MAP2K1: variants seen among roughly 807,000 people sequenced by gnomAD.
MAP2K1 encodes the protein mitogen-activated protein kinase kinase 1.
In MAP2K1, 16 loss-of-function variants were observed where a neutral mutation model predicts 46.3. The observed-to-expected ratio is 0.35, with a 90% CI of 0.23 to 0.52. MAP2K1 has a LOEUF of 0.52. MAP2K1 is among the 20% of genes least tolerant of loss of function. The pLI, the probability that MAP2K1 is intolerant of heterozygous loss-of-function variation, is 0.94. For synonymous variants in MAP2K1, 183 were observed against 185.6 expected, an observed-to-expected ratio of 0.99 and a Z score of 0.11; for missense variants, 263 against 497.1, an observed-to-expected ratio of 0.53 and a Z score of 4.48.
At chr15:66,421,083 T>TAC (rs1298798305) in intron 1 of MAP2K1, among the ~76,000 whole-genome samples, 4 of 75,504 alleles carry the variant, frequency 5.3e-5, no homozygotes, top group Admixed American at 1.9e-4. Flanking sequence ...TATATACACA[T>TAC]ACACACACAT....
chr15:66,473,759 C>T (rs1273386922), intron 5 of MAP2K1, among the ~76,000 whole-genome samples: 1 of 152,200 alleles, frequency 6.6e-6, no homozygotes, highest in Non-Finnish European at 1.5e-5. Flanking sequence ...CTCACTGCAA[C>T]CTCTGCTTCC....
intron 1 of MAP2K1, 26 bp from the exon 2 acceptor site, chr15:66,435,001 G>A (rs762287771): frequency 9.5e-6 from 14 of 1,475,898 alleles, no homozygotes; most frequent in Admixed American, 1.7e-5. Flanking sequence ...TGACAGTATT[G>A]ACTTGTGCTC....
intron 1 of MAP2K1, among the ~76,000 whole-genome samples, chr15:66,399,705 T>C (rs1177508823): frequency 6.6e-6 from 1 of 152,162 alleles, no homozygotes; most frequent in Non-Finnish European, 1.5e-5. Flanking sequence ...CAAGTGATCC[T>C]CCTGCCTCAG....
chr15:66,438,776 C>T (rs1314249803), intron 3 of MAP2K1, among the ~76,000 whole-genome samples: 1 of 152,196 alleles, frequency 6.6e-6, no homozygotes, highest in Non-Finnish European at 1.5e-5. Context: ...AGCACAGTGT[C>T]TGGCACCTGT....
At chr15:66,415,344 A>G (rs1024881489) in intron 1 of MAP2K1, 1 of 311,746 alleles carries the variant, frequency 3.2e-6, no homozygotes, top group African/African-American at 2.3e-5. Context: ...CCAAAGATTT[A>G]GAGGTTACCT....
intron 5 of MAP2K1, among the ~76,000 whole-genome samples, chr15:66,458,691 A>C (rs1002108283): frequency 6.6e-6 from 1 of 152,042 alleles, no homozygotes; most frequent in South Asian, 2.1e-4. Flanking sequence ...TAATTTTAAA[A>C]ATTTTCTTTT....
chr15:66,471,899 A>T (rs1595880370), intron 5 of MAP2K1, among the ~76,000 whole-genome samples: 1 of 152,226 alleles, frequency 6.6e-6, no homozygotes, highest in Non-Finnish European at 1.5e-5. Flanking sequence ...CAACATGGTG[A>T]AACCCCGTCT....
chr15:66,447,063 G>C (rs1417940886), intron 5 of MAP2K1, among the ~76,000 whole-genome samples: 1 of 152,184 alleles, frequency 6.6e-6, no homozygotes, highest in Non-Finnish European at 1.5e-5. Flanking sequence ...GTGTTGAGAG[G>C]AGAGCTGAAG....
At chr15:66,405,793 A>G (rs1465848738) in intron 1 of MAP2K1, among the ~76,000 whole-genome samples, 1 of 152,240 alleles carries the variant, frequency 6.6e-6, no homozygotes, top group Non-Finnish European at 1.5e-5. Context: ...GAAATGAAAT[A>G]TATTTGTTGG....
At chr15:66,434,801 A>G (rs997722050) in intron 1 of MAP2K1, among the ~76,000 whole-genome samples, 2 of 152,172 alleles carry the variant, frequency 1.3e-5, no homozygotes, top group Admixed American at 6.5e-5. Context: ...TCACTTTATA[A>G]ATGAGGAAAT....
In MAP2K1 at chr15:66,387,362, G is replaced by C; in HGVS notation, c.15G>C (p.Lys5Asn). The C allele has an allele frequency of 6.4e-7, 1 of 1,564,416 alleles. No homozygotes were observed. The highest frequency in any genetic ancestry group is 8.7e-7 in the Non-Finnish European group (1 of 1,153,798). ...CCGGGTCCAAAATGCCCAAGAAGAA[G>C]CCGACGCCCATCCAGCTGAACCCGG... is the stretch of plus-strand genomic sequence containing the variant. Reference protein sequence around the residue: MPKKKPTPIQLNPAP... With the variant: MPKKNPTPIQLNPAP... The change falls in exon 1 of 11, where the codon AAG becomes AAC. Residue 5 changes from lysine (K) to asparagine (N), a missense_variant. This residue lies in a region of MAP2K1 where 31 missense variants were observed against 29.9 expected (regional missense o/e 1.04). Transcript: ENST00000307102.
At chr15:66,421,605 A>C (rs1030856945) in intron 1 of MAP2K1, among the ~76,000 whole-genome samples, 1 of 151,834 alleles carries the variant, frequency 6.6e-6, no homozygotes, top group Admixed American at 6.6e-5. Context: ...ATTGGGGACG[A>C]GCCTAGCCAA....
intron 5 of MAP2K1, among the ~76,000 whole-genome samples, chr15:66,476,077 T>A (rs979577684): frequency 5.3e-5 from 8 of 152,204 alleles, no homozygotes; most frequent in African/African-American, 1.7e-4. Flanking sequence ...TAAAACCTCC[T>A]TGTTCATTTT....
intron 1 of MAP2K1, among the ~76,000 whole-genome samples, chr15:66,397,000 T>C (rs1160166025): frequency 1.8e-4 from 17 of 94,304 alleles, no homozygotes; most frequent in Non-Finnish European, 3.4e-4. Flanking sequence ...CGCTTCTTTT[T>C]TTTTTTTTTT....
At chr15:66,397,187 G>GT (rs1271186758) in intron 1 of MAP2K1, among the ~76,000 whole-genome samples, 3 of 151,210 alleles carry the variant, frequency 2.0e-5, no homozygotes, top group Non-Finnish European at 2.9e-5. Context: ...TGTATTTTTA[G>GT]TAGAGACAAG....
intron 5 of MAP2K1, among the ~76,000 whole-genome samples, chr15:66,466,007 C>T (rs1380147357): frequency 6.6e-6 from 1 of 152,190 alleles, no homozygotes; most frequent in African/African-American, 2.4e-5. Context: ...TTCCTCTCCT[C>T]TTGATGTCCC....
At chr15:66,432,045 A>G (rs914441273) in intron 1 of MAP2K1, among the ~76,000 whole-genome samples, 2 of 152,214 alleles carry the variant, frequency 1.3e-5, no homozygotes, top group African/African-American at 2.4e-5. Flanking sequence ...TTATGTCTGC[A>G]TAGTATTCCA....
chr15:66,422,988 A>G (rs551747811), intron 1 of MAP2K1, among the ~76,000 whole-genome samples: 7 of 151,914 alleles, frequency 4.6e-5, no homozygotes, highest in African/African-American at 1.7e-4. Context: ...AGCTGGTCCC[A>G]AAGTCTGGGC....
rs56188887 is a variant in MAP2K1, at chr15:66,454,752, G to A, written c.568+10045G>A. On this transcript the variant is annotated intron_variant, in intron 5 of 10. Transcript: ENST00000307102. The stretch of plus-strand genomic sequence containing the variant: ...TACAAAATTAGCTCGGCGTGGTGCC[G>A]TGCGCCTGTAATCCCAGCTGCTCGG... Among the ~76,000 whole-genome samples the A allele has an allele frequency of 3.7e-3, 561 of 152,084 alleles. 1 individual carries two copies. Among genetic ancestry groups the A allele is most frequent in the African/African-American group, 0.013 (519 of 41,484 alleles).
Sources: gnomAD v4.1 joint callset for allele counts (sites outside exome capture counted in the v4.1 genomes callset) on GRCh38, gnomAD v4.1.1 for gene constraint, gnomAD v4.1.1 regional missense constraint, MANE v1.5 for transcripts, NCBI Gene and HGNC (gene_info 2026-07-23, HGNC 2026-07-21) for gene names.